ZNF500: variants seen among roughly 807,000 people sequenced by gnomAD.
ZNF500 encodes the protein zinc finger protein 500.
A neutral mutation model predicts 30.1 loss-of-function variants in ZNF500; 31 were observed. The observed-to-expected ratio is 1.03, with a 90% CI of 0.77 to 1.39. ZNF500 has a LOEUF of 1.39. Ranked by LOEUF, ZNF500 falls within the 40% of genes most tolerant of loss-of-function variation. The pLI, the probability that ZNF500 is intolerant of heterozygous loss-of-function variation, is 0.00. For missense variants in ZNF500, 817 were observed against 657.8 expected, an observed-to-expected ratio of 1.24 and a Z score of -2.65; for synonymous variants, 392 against 282.0, an observed-to-expected ratio of 1.39 and a Z score of -3.91.
downstream of ZNF500, chr16:4,747,404 C>G (rs755235213): frequency 6.2e-7 from 1 of 1,612,626 alleles, no homozygotes; most frequent in Non-Finnish European, 8.5e-7. Context: ...GGGGACAGCC[C>G]AGCCCGAGCT....
chr16:4,753,635 C>G (rs892258604), intron 5 of ZNF500, among the ~76,000 whole-genome samples: 5 of 152,234 alleles, frequency 3.3e-5, no homozygotes, highest in Non-Finnish European at 5.9e-5. Flanking sequence ...TGAGGGCCAT[C>G]AAGCTCTGCA....
Position 4,752,000 on chromosome 16 carries a change from T to C in ZNF500, c.*376A>G, listed in dbSNP as rs2082084081. ...CAGGAGAGGGGTTGGGACGTGGGGA[T>C]GAGGCTGTATGCCAGCAGCCACTGG... On this transcript the variant is annotated 3_prime_UTR_variant, in exon 6 of 6. Transcript: ENST00000219478. 2 of 1,055,466 alleles carry C rather than the reference T, an allele frequency of 1.9e-6. No homozygotes were observed. The highest frequency in any genetic ancestry group is 3.9e-5 in the East Asian group (1 of 25,868). The allele number at this position is 1,055,466 out of a possible 1,614,324, so 65.4% of individuals were successfully genotyped here. A position where few individuals can be genotyped will look rare whatever the true frequency, so the allele number is the denominator to read the frequency against.
intron 4 of ZNF500, 30 bp downstream of exon 4, chr16:4,762,241 G>A (rs1447790273): frequency 1.1e-5 from 17 of 1,606,588 alleles, no homozygotes; most frequent in Admixed American, 8.5e-5. Flanking sequence ...CAGACCCCAG[G>A]ATGCTGCAGA....
At chr16:4,754,671 TA>T (rs1200934224) in intron 5 of ZNF500, among the ~76,000 whole-genome samples, 3,387 of 121,328 alleles carry the variant, frequency 0.028, 127 homozygotes, top group African/African-American at 0.092. Flanking sequence ...CTCAAAAAAA[TA>T]AAAAAAAAAA....
rs572871774 is a variant in ZNF500 at position 4,765,566 on chromosome 16, C to G, written c.413G>C (p.Arg138Pro). The G allele has an allele frequency of 6.3e-7, 1 of 1,588,196 alleles. No homozygotes were observed. The highest frequency in any genetic ancestry group is 2.2e-5 in the East Asian group (1 of 44,604). Reference sequence around the variant, plus strand: ...GAGGGTCAAAATGCCCCCACTCACCCGCTGCCTGTGTTTCCTGGGCTTCCG... The same window carrying G: ...GAGGGTCAAAATGCCCCCACTCACCGGCTGCCTGTGTTTCCTGGGCTTCCG... ...LQRKPRKHRQ[R>P]GSELLSDDEV... Residue 138 changes from arginine to proline, a missense_variant and splice_region_variant, in exon 2 of 6, where the codon CGG becomes CCG. Transcript: ENST00000219478.
Position 4,753,055 on chromosome 16 carries a change from G to C in ZNF500, c.764C>G (p.Pro255Arg). ...ACCGCCGTCCTCCAACTGGATCCCA[G>C]GTCCTGAGACAGAGAAAGCACGATC... ...QRDAPLENEG[P>R]GIQLEDGGDG... Residue 255 changes from proline to arginine, a missense_variant, in exon 6 of 6, where the codon CCT becomes CGT. Physicochemically the swap from Pro to Arg is moderately radical, Grantham distance 103 (BLOSUM62 -2). Transcript: ENST00000219478. The C allele has an allele frequency of 6.6e-7, 1 of 1,515,418 alleles. No homozygotes were observed. The highest frequency in any genetic ancestry group is 8.8e-7 in the Non-Finnish European group (1 of 1,137,898). 93.9% of individuals were successfully genotyped at this position (1,515,418 alleles called of 1,614,324 possible). A position where few individuals can be genotyped will look rare whatever the true frequency, so the allele number is the denominator to read the frequency against.
chr16:4,757,462 A>G (rs989373544), intron 5 of ZNF500, among the ~76,000 whole-genome samples: 8 of 151,810 alleles, frequency 5.3e-5, no homozygotes, highest in Non-Finnish European at 4.4e-5. Flanking sequence ...ACAGGCATGC[A>G]CCACTTTTGT....
chr16:4,753,104 C>CA (rs2142227460), intron 5 of ZNF500, 46 bp from the exon 6 acceptor site: 1 of 1,496,506 alleles, frequency 6.7e-7, no homozygotes, highest in East Asian at 2.3e-5. Flanking sequence ...AGCAAGAGGG[C>CA]AAGGGAAATC....
rs755406015 is a variant in ZNF500 at position 4,765,818 on chromosome 16, C to G, written c.161G>C (p.Arg54Pro). Residue 54 changes from arginine to proline, a missense_variant, in exon 2 of 6, where the codon CGG becomes CCG. Arg to Pro is a moderately radical substitution (Grantham distance 103). Transcript: ENST00000219478. The stretch of plus-strand genomic sequence containing the variant: ...AGCCACCTCCTGGTAGCAGAAGAGC[C>G]GGAAGAGCTGGCGGAAAGTCTCAGG... ...PSPETFRQLF[R>P]LFCYQEVAGP... is the part of the protein sequence containing the mutation. 1.2e-6 allele frequency: 2 copies of G among 1,613,482 alleles called. No homozygotes were observed. The highest frequency in any genetic ancestry group is 2.2e-5 in the East Asian group (1 of 44,868).
At chr16:4,747,165 T>TC, downstream of ZNF500, 1 of 1,203,380 alleles carries the variant, frequency 8.3e-7, no homozygotes, top group Non-Finnish European at 1.2e-6. Context: ...GGCACAGCTT[T>TC]CATCATCCTG....
intron 4 of ZNF500, among the ~76,000 whole-genome samples, chr16:4,761,316 T>C (rs967464335): frequency 6.6e-6 from 1 of 151,854 alleles, no homozygotes; most frequent in Non-Finnish European, 1.5e-5. Context: ...GGTGGGTGCC[T>C]GTAATCCCAG....
Position 4,765,938 on chromosome 16 carries a change from T to A in ZNF500, c.41A>T (p.Glu14Val). ...GATCTCTTCCTGTTCCAGGTCCTGC[T>A]CCAAGGTTGGCAGGGGCTGGAGGCC... ...VPGLQPLPTL[E>V]QDLEQEEILI... Residue 14 changes from glutamate (E) to valine (V), a missense_variant, in exon 2 of 6, where the codon GAG (glutamate) becomes GTG (valine). By Grantham distance (121) the Glu-to-Val change is moderately radical. Transcript: ENST00000219478. 6.3e-7 allele frequency: 1 copy of A among 1,596,346 alleles called. No individual in the cohort carries two copies. The highest frequency in any genetic ancestry group is 8.5e-7 in the Non-Finnish European group (1 of 1,172,172).
At chr16:4,766,409 A>C (rs2082265758) in intron 1 of ZNF500, among the ~76,000 whole-genome samples, 1 of 152,180 alleles carries the variant, frequency 6.6e-6, no homozygotes, top group African/African-American at 2.4e-5. Flanking sequence ...AGATCACGTG[A>C]GTTCAGGAGT....
In ZNF500 at chr16:4,751,381, G is replaced by A. The variant is rs191778436; in HGVS notation, c.*995C>T. ...AGGAGCAAACGCAGCCCTGGGCCCC[G>A]GCCCTGGGGAGATGTCAGGCCCGTC... On this transcript the variant is annotated 3_prime_UTR_variant, in exon 6 of 6. Transcript: ENST00000219478. The A allele has an allele frequency of 5.6e-5, 32 of 567,432 alleles. No homozygotes were observed. The highest frequency in any genetic ancestry group is 1.6e-4 in the East Asian group (5 of 31,842). 35.1% of individuals were successfully genotyped at this position (567,432 alleles called of 1,614,324 possible). A position where few individuals can be genotyped will look rare whatever the true frequency, so the allele number is the denominator to read the frequency against.
In ZNF500 at chr16:4,751,917, AG is replaced by A. The variant is rs59295954; in HGVS notation, c.*458del. On this transcript the variant is annotated 3_prime_UTR_variant, in exon 6 of 6. Coordinates refer to ENST00000219478, the MANE Select transcript of ZNF500 (RefSeq NM_021646.4). ...AGCAAGGCCCCGTCTCAAAAAAAAA[AG>A]GGGGGGGGAGCAGGTGGGGGGTACA... is the stretch of plus-strand genomic sequence containing the variant. 1.7e-3 allele frequency: 370 copies of A among 218,480 alleles called. No homozygotes were observed. Among genetic ancestry groups the A allele is most frequent in the South Asian group, 2.7e-3 (29 of 10,828 alleles). 13.5% of individuals were successfully genotyped at this position (218,480 alleles called of 1,614,324 possible).
intron 5 of ZNF500, 45 bp downstream of exon 5, chr16:4,760,447 T>G: frequency 6.3e-7 from 1 of 1,583,238 alleles, no homozygotes; most frequent in Non-Finnish European, 8.6e-7. Context: ...TGACAGTTCC[T>G]ATTTTTGGCA....
chr16:4,747,437 G>A (rs2082032528), downstream of ZNF500: 2 of 1,612,990 alleles, frequency 1.2e-6, no homozygotes, highest in Non-Finnish European at 1.7e-6. Flanking sequence ...GGGGCCCGCG[G>A]GTGGGAGGGC....
At chr16:4,747,154 C>T (rs1278547090), downstream of ZNF500, 27 of 1,200,250 alleles carry the variant, frequency 2.2e-5, no homozygotes, top group African/African-American at 1.4e-4. Context: ...GTGAGGGGGA[C>T]GGCACAGCTT....
Position 4,752,030 on chromosome 16 carries a change from T to C in ZNF500, c.*346A>G. 2 of 1,240,638 alleles carry C rather than the reference T, an allele frequency of 1.6e-6. No homozygotes were observed. The highest frequency in any genetic ancestry group is 4.7e-5 in the South Asian group (2 of 42,586). 76.9% of individuals were successfully genotyped at this position (1,240,638 alleles called of 1,614,324 possible). On this transcript the variant is annotated 3_prime_UTR_variant, in exon 6 of 6. Transcript: ENST00000219478. ...CTGTATGCCAGCAGCCACTGGATGC[T>C]GGAGGCAGCTGATGGACCCTCCCAG...
Sources: allele counts gnomAD v4.1 joint callset (sites outside exome capture counted in the v4.1 genomes callset), GRCh38; gene constraint gnomAD v4.1.1; transcripts MANE v1.5; gene names NCBI Gene and HGNC (gene_info 2026-07-23, HGNC 2026-07-21).